SLC4A10: variants seen among roughly 807,000 people sequenced by gnomAD.
SLC4A10 encodes the protein sodium-driven chloride bicarbonate exchanger.
A neutral mutation model predicts 137.7 loss-of-function variants in SLC4A10; 42 were observed. That is an observed-to-expected ratio of 0.30 (90% CI 0.24 to 0.39). The LOEUF (loss-of-function observed/expected upper bound fraction) is 0.39. SLC4A10 is among the 10% of genes least tolerant of loss of function. The pLI is 1.00. For synonymous variants in SLC4A10, 474 were observed against 464.1 expected (o/e 1.02, Z -0.27); for missense variants, 925 against 1,355.0 (o/e 0.68, Z 4.98).
intron 2 of SLC4A10, among the ~76,000 whole-genome samples, chr2:161,781,607 A>G (rs770315840): frequency 9.9e-5 from 15 of 152,028 alleles, no homozygotes; most frequent in Non-Finnish European, 1.9e-4. Flanking sequence ...TAGTGCTGCT[A>G]GTGTTTAGGT....
intron 1 of SLC4A10, chr2:161,708,848 T>TG: frequency 1.3e-6 from 2 of 1,523,890 alleles, no homozygotes; most frequent in Non-Finnish European, 1.8e-6. Flanking sequence ...TCATGAATTA[T>TG]GATGATAATA....
At chr2:161,830,246 T>A (rs550978786) in intron 3 of SLC4A10, among the ~76,000 whole-genome samples, 22 of 152,030 alleles carry the variant, frequency 1.4e-4, no homozygotes, top group Non-Finnish European at 2.1e-4. Flanking sequence ...AATAACCACA[T>A]CTATTCTTAT....
rs190916076 is a variant in SLC4A10 at position 161,892,436 on chromosome 2, A to C, written c.1195-2243A>C. Among the ~76,000 whole-genome samples the C allele has an allele frequency of 7.4e-4, 112 of 151,812 alleles. 1 individual carries two copies. The highest frequency in any genetic ancestry group is 2.6e-3 in the African/African-American group (107 of 41,520). ...TAATATTAAAAAAAATCTCTTTCTC[A>C]AAATACAACTAAACCATTAATGGAT... On this transcript the variant is annotated intron_variant, in intron 10 of 26. Coordinates refer to ENST00000446997, the MANE Select transcript of SLC4A10 (RefSeq NM_001178015.2).
rs554619984 is a variant in SLC4A10 at position 161,813,931 on chromosome 2, T to C, written c.277+9336T>C. ...TGTGCCTGGGGCCTAAGCATGAGTA[T>C]TTTTTGAAAAGTACCCCCAGGTGAT... is the stretch of plus-strand genomic sequence containing the variant. On this transcript the variant is annotated intron_variant, in intron 3 of 26. Coordinates refer to ENST00000446997, the MANE Select transcript of SLC4A10 (RefSeq NM_001178015.2). Among the ~76,000 whole-genome samples the C allele has an allele frequency of 5.3e-5, 8 of 152,182 alleles. No homozygotes were observed. In the South Asian group the frequency reaches 1.7e-3, roughly 32 times the overall value.
chr2:161,856,370 C>CAT (rs2060099657), intron 5 of SLC4A10, among the ~76,000 whole-genome samples: 1 of 133,122 alleles, frequency 7.5e-6, no homozygotes, highest in South Asian at 2.5e-4. Context: ...CACACACACA[C>CAT]ACACACACAC....
intron 11 of SLC4A10, 114 bp from the exon 12 acceptor site, chr2:161,900,797 G>A (rs77357117): frequency 0.044 from 30,143 of 679,850 alleles, 876 homozygotes; most frequent in Non-Finnish European, 0.056. Flanking sequence ...ACAGAGCCTG[G>A]GTTCTCAGCT....
chr2:161,784,084 A>T (rs1425922615), intron 2 of SLC4A10, among the ~76,000 whole-genome samples: 1 of 151,824 alleles, frequency 6.6e-6, no homozygotes, highest in Non-Finnish European at 1.5e-5. Flanking sequence ...AGCAAGAGTG[A>T]CTATACTTAT....
chr2:161,807,638 A>C (rs2056130864), intron 3 of SLC4A10, among the ~76,000 whole-genome samples: 1 of 152,166 alleles, frequency 6.6e-6, no homozygotes, highest in Non-Finnish European at 1.5e-5. Context: ...CTTTAGCATT[A>C]CTAGTATTCC....
rs183450393 is a variant in SLC4A10 at position 161,931,807 on chromosome 2, G to A, written c.1998-10985G>A. 3.0e-4 allele frequency among the ~76,000 whole-genome samples: 45 copies of A among 152,210 alleles called. No homozygotes were observed. In the East Asian group the frequency reaches 8.3e-3, roughly 28 times the overall value. Reference sequence around the variant, plus strand: ...GTTTTAAATCTCTATTGTTGTTACCGTTGGCAGTAATATAAAGGAGATCAA... The same window carrying A: ...GTTTTAAATCTCTATTGTTGTTACCATTGGCAGTAATATAAAGGAGATCAA... On this transcript the variant is annotated intron_variant, in intron 15 of 26. Coordinates refer to ENST00000446997, the MANE Select transcript of SLC4A10 (RefSeq NM_001178015.2).
At chr2:161,939,257 A>G (rs1343775555) in intron 15 of SLC4A10, among the ~76,000 whole-genome samples, 2 of 151,804 alleles carry the variant, frequency 1.3e-5, no homozygotes, top group Non-Finnish European at 2.9e-5. Context: ...TTGTGTTTTT[A>G]GTAGAGATGG....
chr2:161,674,575 T>A (rs960861689), intron 1 of SLC4A10, among the ~76,000 whole-genome samples: 1 of 152,188 alleles, frequency 6.6e-6, no homozygotes, highest in Admixed American at 6.6e-5. Context: ...AAAGGGGAGA[T>A]AGCTGGTTGG....
At chr2:161,928,435 A>T (rs1042955837) in intron 15 of SLC4A10, among the ~76,000 whole-genome samples, 3 of 150,068 alleles carry the variant, frequency 2.0e-5, no homozygotes, top group African/African-American at 7.3e-5. Context: ...TGACGAGTTA[A>T]TGGGTGCAGC....
At chr2:161,723,566 T>C (rs2045919639) in intron 1 of SLC4A10, among the ~76,000 whole-genome samples, 1 of 152,218 alleles carries the variant, frequency 6.6e-6, no homozygotes, top group African/African-American at 2.4e-5. Flanking sequence ...TCATAATCTT[T>C]CTGATAATTT....
intron 15 of SLC4A10, among the ~76,000 whole-genome samples, chr2:161,933,183 T>TTTTCTTTCTTTCTTTC (rs200613040): frequency 1.9e-3 from 184 of 97,674 alleles, no homozygotes; most frequent in East Asian, 2.4e-3. Flanking sequence ...CCCTTCCTTC[T>TTTTCTTTCTTTCTTTC]TTTCTTTCTT....
At chr2:161,705,207 T>C (rs1430825551) in intron 1 of SLC4A10, among the ~76,000 whole-genome samples, 2 of 151,488 alleles carry the variant, frequency 1.3e-5, no homozygotes, top group Admixed American at 6.6e-5. Context: ...TACAAAAATA[T>C]AATTTCAAAC....
In SLC4A10 at chr2:161,704,040, G is replaced by T. The variant is rs76094878; in HGVS notation, c.49-66933G>T. On this transcript the variant is annotated intron_variant, in intron 1 of 26. Coordinates refer to ENST00000446997, the MANE Select transcript of SLC4A10 (RefSeq NM_001178015.2). ...TATTCCTTGTAAATGTGAAAATATGGTAGTTTCATCACTTCTCAAAAAAAG... is the reference window on the plus strand; with the variant it reads ...TATTCCTTGTAAATGTGAAAATATGTTAGTTTCATCACTTCTCAAAAAAAG... Among the ~76,000 whole-genome samples, 853 of 151,756 alleles carry T rather than the reference G, an allele frequency of 5.6e-3. 36 individuals are homozygous for T. In the South Asian group the frequency reaches 0.099, roughly 18 times the overall value.
intron 1 of SLC4A10, among the ~76,000 whole-genome samples, chr2:161,705,719 A>G (rs2043590653): frequency 6.6e-6 from 1 of 151,580 alleles, no homozygotes; most frequent in Admixed American, 6.6e-5. Context: ...ATGTGAGGTT[A>G]GAGTGAGACT....
At chr2:161,831,680 G>A (rs972932742) in intron 3 of SLC4A10, among the ~76,000 whole-genome samples, 5 of 152,014 alleles carry the variant, frequency 3.3e-5, no homozygotes, top group Non-Finnish European at 7.4e-5. Context: ...AATGAAAAAG[G>A]AAATAATGAA....
chr2:161,909,478 C>G (rs550442251), intron 15 of SLC4A10, among the ~76,000 whole-genome samples: 13 of 152,298 alleles, frequency 8.5e-5, no homozygotes, highest in Admixed American at 7.8e-4. Flanking sequence ...ACTGGTTCAT[C>G]CTTATGGGCA....
Sources: gnomAD v4.1 joint callset for allele counts (sites outside exome capture counted in the v4.1 genomes callset) on GRCh38, gnomAD v4.1.1 for gene constraint, MANE v1.5 for transcripts, NCBI Gene and HGNC (gene_info 2026-07-23, HGNC 2026-07-21) for gene names.